GUCY1A2: variants seen among roughly 807,000 people sequenced by gnomAD.
The protein encoded by GUCY1A2 is guanylate cyclase 1 soluble subunit alpha 2, also known as guanylate cyclase soluble subunit alpha-2.
A neutral mutation model predicts 63.5 loss-of-function variants in GUCY1A2; 27 were observed. That is an observed-to-expected ratio of 0.43 (90% CI 0.31 to 0.59). The LOEUF (loss-of-function observed/expected upper bound fraction) is 0.59, where lower values mean the gene tolerates loss of function less well. Ranked by LOEUF, GUCY1A2 falls within the 20% of genes least tolerant of loss-of-function variation. GUCY1A2 has a pLI of 0.11. For missense variants in GUCY1A2, 768 were observed against 913.3 expected, an observed-to-expected ratio of 0.84 and a Z score of 2.05; for synonymous variants, 364 against 343.5, an observed-to-expected ratio of 1.06 and a Z score of -0.66.
intron 5 of GUCY1A2, among the ~76,000 whole-genome samples, chr11:106,787,596 A>AGGGGAGGGTGAGGGAG (rs1321102996): frequency 3.5e-5 from 5 of 141,802 alleles, no homozygotes; most frequent in African/African-American, 7.8e-5. Context: ...AAGGAAGGGA[A>AGGGGAGGGTGAGGGAG]GGGAAAAAGA....
At chr11:106,778,317 T>C (rs932229640) in intron 5 of GUCY1A2, among the ~76,000 whole-genome samples, 7 of 152,356 alleles carry the variant, frequency 4.6e-5, no homozygotes, top group African/African-American at 1.7e-4. Flanking sequence ...CCTTTCTTTA[T>C]TCTGTTTCCA....
intron 3 of GUCY1A2, among the ~76,000 whole-genome samples, chr11:106,941,081 G>GA (rs1186923957): frequency 6.6e-6 from 1 of 151,946 alleles, no homozygotes; most frequent in Non-Finnish European, 1.5e-5. Context: ...GGGAAAAGGA[G>GA]AAAAAACAAG....
chr11:106,880,165 C>T (rs1859804328), intron 4 of GUCY1A2, among the ~76,000 whole-genome samples: 1 of 151,978 alleles, frequency 6.6e-6, no homozygotes, highest in African/African-American at 2.4e-5. Flanking sequence ...AGAATGACAC[C>T]ATGGCCTAAG....
At chr11:106,694,838 A>G (rs1027382122) in intron 7 of GUCY1A2, among the ~76,000 whole-genome samples, 4 of 152,064 alleles carry the variant, frequency 2.6e-5, no homozygotes, top group African/African-American at 9.7e-5. Context: ...TCCAGCTTAG[A>G]ACCTGATTTT....
At chr11:106,956,468 T>TTTGTTG (rs995320399) in intron 3 of GUCY1A2, among the ~76,000 whole-genome samples, 8 of 151,980 alleles carry the variant, frequency 5.3e-5, no homozygotes, top group Admixed American at 5.2e-4. Context: ...TGGAGGCCTT[T>TTTGTTG]TTGTTGTTGT....
chr11:106,772,590 C>T (rs975369834), intron 6 of GUCY1A2, among the ~76,000 whole-genome samples: 1 of 152,062 alleles, frequency 6.6e-6, no homozygotes, highest in East Asian at 1.9e-4. Flanking sequence ...GATATTTCCT[C>T]TTCTGATTTA....
intron 4 of GUCY1A2, among the ~76,000 whole-genome samples, chr11:106,926,622 A>T (rs1024798714): frequency 3.3e-5 from 5 of 152,004 alleles, no homozygotes; most frequent in Non-Finnish European, 7.4e-5. Context: ...TACACTCTAT[A>T]TTTAGACTTA....
At chr11:106,719,958 T>G (rs558622237) in intron 6 of GUCY1A2, among the ~76,000 whole-genome samples, 1 of 152,328 alleles carries the variant, frequency 6.6e-6, no homozygotes, top group East Asian at 1.9e-4. Context: ...TTCCTTCACA[T>G]CCATATACAC....
chr11:106,800,610 C>A (rs1864857317), intron 5 of GUCY1A2, among the ~76,000 whole-genome samples: 1 of 152,006 alleles, frequency 6.6e-6, no homozygotes, highest in African/African-American at 2.4e-5. Context: ...AAGCTGGAAA[C>A]CATCATTCTC....
chr11:106,684,591 A>AT lies in GUCY1A2; in HGVS notation c.*2957dup, dbSNP rs1223323292. On this transcript the variant is annotated 3_prime_UTR_variant, in exon 8 of 8. Coordinates refer to ENST00000526355, the MANE Select transcript of GUCY1A2 (RefSeq NM_000855.3). ...CATTCTCTCCATCAAAATAATCCTG[A>AT]TACCAACGTGATGCTTTGGTGCTAA... The AT allele has an allele frequency of 1.1e-4, 23 of 200,266 alleles. No homozygotes were observed. The highest frequency in any genetic ancestry group is 3.2e-3 in the Middle Eastern group (2 of 624). 12.4% of individuals were successfully genotyped at this position (200,266 alleles called of 1,614,324 possible).
chr11:106,990,430 T>A (rs577182544), intron 1 of GUCY1A2, among the ~76,000 whole-genome samples: 2 of 152,306 alleles, frequency 1.3e-5, no homozygotes, highest in East Asian at 1.9e-4. Flanking sequence ...AGAGAAATGA[T>A]CCCTGAAGAG....
chr11:106,954,560 C>T (rs1860955993), intron 3 of GUCY1A2, among the ~76,000 whole-genome samples: 1 of 152,082 alleles, frequency 6.6e-6, no homozygotes, highest in Non-Finnish European at 1.5e-5. Flanking sequence ...TCCTAAATAT[C>T]CTTTTTAATT....
At position 106,848,643 on chromosome 11, in the gene GUCY1A2, C is replaced by A. The variant is rs866001456; in HGVS notation, c.1207-38165G>T. Among the ~76,000 whole-genome samples, 13 of 151,578 alleles carry A rather than the reference C, an allele frequency of 8.6e-5. No individual in the cohort carries two copies. The Middle Eastern group carries it at 0.01, about 119-fold the overall frequency. Reference sequence around the variant, plus strand: ...TATAAACAATTATGATGGAAAAGTACCAAAACTGTTTATTCATATAATTTG... The same window carrying A: ...TATAAACAATTATGATGGAAAAGTAACAAAACTGTTTATTCATATAATTTG... On this transcript the variant is annotated intron_variant, in intron 4 of 7. Transcript: ENST00000526355.
intron 3 of GUCY1A2, among the ~76,000 whole-genome samples, chr11:106,976,267 C>A (rs2120111339): frequency 6.6e-6 from 1 of 152,124 alleles, no homozygotes; most frequent in Non-Finnish European, 1.5e-5. Flanking sequence ...AAAAGGTTCC[C>A]AGGCATCAAA....
chr11:106,949,835 A>T (rs1040919394), intron 3 of GUCY1A2, among the ~76,000 whole-genome samples: 8 of 152,236 alleles, frequency 5.3e-5, no homozygotes, highest in Non-Finnish European at 8.8e-5. Flanking sequence ...GAAGACCACT[A>T]TAGTAACCCT....
intron 4 of GUCY1A2, among the ~76,000 whole-genome samples, chr11:106,845,121 G>T (rs987614034): frequency 1.6e-4 from 25 of 151,754 alleles, no homozygotes; most frequent in Non-Finnish European, 1.3e-4. Flanking sequence ...AATCCTGGCT[G>T]TACATTAGAA....
intron 4 of GUCY1A2, among the ~76,000 whole-genome samples, chr11:106,816,816 C>A (rs1322952225): frequency 1.3e-5 from 2 of 151,636 alleles, no homozygotes; most frequent in African/African-American, 2.4e-5. Flanking sequence ...GGGGATATCA[C>A]AAACAGCTTT....
chr11:106,907,128 T>C (rs1016222700), intron 4 of GUCY1A2, among the ~76,000 whole-genome samples: 80 of 152,156 alleles, frequency 5.3e-4, no homozygotes, highest in African/African-American at 1.9e-3. Context: ...ACTGATGAAC[T>C]GACACCAACT....
intron 4 of GUCY1A2, among the ~76,000 whole-genome samples, chr11:106,928,470 C>G (rs1860558093): frequency 6.6e-6 from 1 of 151,688 alleles, no homozygotes; most frequent in African/African-American, 2.4e-5. Flanking sequence ...GATTTTTGAC[C>G]CCCCTGTATC....
Sources: gnomAD v4.1 joint callset for allele counts (sites outside exome capture counted in the v4.1 genomes callset) on GRCh38, gnomAD v4.1.1 for gene constraint, MANE v1.5 for transcripts, NCBI Gene and HGNC (gene_info 2026-07-23, HGNC 2026-07-21) for gene names.